The following IL17RD variants were observed in gnomAD, a reference collection of about 807,000 sequenced individuals.
IL17RD encodes the protein interleukin-17 receptor D.
A neutral mutation model predicts 80.5 loss-of-function variants in IL17RD; 52 were observed. The observed-to-expected ratio is 0.65, with a 90% CI of 0.52 to 0.81. The LOEUF (loss-of-function observed/expected upper bound fraction) is 0.81, where lower values mean the gene tolerates loss of function less well. Among genes scored for constraint, IL17RD ranks in the 40% least tolerant of loss-of-function variants. The probability of loss-of-function intolerance (pLI) is 0.00; values close to 1 mark genes in which losing one functional copy is unlikely to be tolerated. For synonymous variants in IL17RD, 416 were observed against 391.8 expected (o/e 1.06, Z -0.73); for missense variants, 1,024 against 955.1 (o/e 1.07, Z -0.95).
intron 2 of IL17RD, among the ~76,000 whole-genome samples, chr3:57,116,314 G>A (rs558123691): frequency 1.1e-4 from 14 of 129,296 alleles, no homozygotes; most frequent in South Asian, 2.3e-4. Flanking sequence ...ACAGAGTTTC[G>A]CTCTTGTTGC....
chr3:57,136,944 C>G (rs1559480752), intron 1 of IL17RD, among the ~76,000 whole-genome samples: 1 of 152,168 alleles, frequency 6.6e-6, no homozygotes, highest in Non-Finnish European at 1.5e-5. Flanking sequence ...TAAGTTATGC[C>G]ACTGAGCTCT....
chr3:57,097,898 C>T lies in IL17RD; in HGVS notation c.1805G>A (p.Cys602Tyr), dbSNP rs1381394317. 6.2e-7 allele frequency: 1 copy of T among 1,614,014 alleles called. No individual in the cohort carries two copies. Reference protein sequence around the residue: ...MCKPGPESDFCLKVEAAVLGA... With the variant: ...MCKPGPESDFYLKVEAAVLGA... The stretch of plus-strand genomic sequence containing the variant: ...AAGAACAGCCGCCTCTACCTTTAGG[C>T]AGAAGTCACTCTCAGGCCCTGGTTT... The change falls in exon 12 of 13, where the codon TGC (cysteine) becomes TAC (tyrosine). Residue 602 changes from cysteine to tyrosine, a missense_variant. Cys to Tyr is a radical substitution (Grantham distance 194, BLOSUM62 -2). Coordinates refer to ENST00000296318, the MANE Select transcript of IL17RD (RefSeq NM_017563.5).
intron 12 of IL17RD, among the ~76,000 whole-genome samples, chr3:57,097,004 C>CAA (rs200974175): frequency 1.6e-4 from 16 of 100,122 alleles, no homozygotes; most frequent in Non-Finnish European, 2.6e-4. Flanking sequence ...GACTCCATCT[C>CAA]AAAAAAAAAA....
chr3:57,097,507 G>C, intron 12 of IL17RD, 89 bp downstream of exon 12: 1 of 1,015,422 alleles, frequency 9.8e-7, no homozygotes, highest in Non-Finnish European at 1.5e-6. Flanking sequence ...CAATAAGTTG[G>C]CACCAAAAGT....
Position 57,109,549 on chromosome 3 carries a change from A to G in IL17RD, c.538T>C (p.Phe180Leu). Residue 180 changes from phenylalanine (F) to leucine (L), a missense_variant, in exon 5 of 13, where the codon TTT becomes CTT. Transcript: ENST00000296318. Reference sequence around the variant, plus strand: ...AGGCCATACTCACCTCGGGTTCTAAAGAAGAAAGGGTGGTAATTGCTTTCG... The same window carrying G: ...AGGCCATACTCACCTCGGGTTCTAAGGAAGAAAGGGTGGTAATTGCTTTCG... ...KNESNYHPFF[F>L]RTRACDLLLQ... 1 of 1,613,736 alleles carries G rather than the reference A, an allele frequency of 6.2e-7. No individual in the cohort carries two copies. The highest frequency in any genetic ancestry group is 8.5e-7 in the Non-Finnish European group (1 of 1,179,790).
chr3:57,096,748 G>A (rs1431664561), intron 12 of IL17RD, among the ~76,000 whole-genome samples: 9 of 152,142 alleles, frequency 5.9e-5, no homozygotes, highest in East Asian at 1.9e-4. Context: ...AGTGGCTCAC[G>A]CCTGTAATCC....
upstream of IL17RD, among the ~76,000 whole-genome samples, chr3:57,167,168 A>G (rs757301436): frequency 1.1e-4 from 17 of 152,058 alleles, no homozygotes; most frequent in Non-Finnish European, 2.4e-4. Context: ...AAACAACAGC[A>G]TCCACCTCAA....
chr3:57,121,666 T>C (rs1005154421), intron 1 of IL17RD, among the ~76,000 whole-genome samples: 1 of 152,140 alleles, frequency 6.6e-6, no homozygotes, highest in African/African-American at 2.4e-5. Flanking sequence ...CTAAAACACT[T>C]TGGAAAGTGT....
intron 3 of IL17RD, 105 bp downstream of exon 3, chr3:57,114,586 AC>A: frequency 9.8e-7 from 1 of 1,022,224 alleles, no homozygotes; most frequent in Non-Finnish European, 1.4e-6. Flanking sequence ...CATAAGCCTC[AC>A]TCACATCAAG....
At chr3:57,106,769 G>A (rs1174832277) in intron 5 of IL17RD, among the ~76,000 whole-genome samples, 1 of 152,168 alleles carries the variant, frequency 6.6e-6, no homozygotes, top group Non-Finnish European at 1.5e-5. Context: ...CTAGTCCACT[G>A]TGCCATGCTG....
intron 1 of IL17RD, chr3:57,142,498 G>T: frequency 7.8e-7 from 1 of 1,288,000 alleles, no homozygotes; most frequent in South Asian, 1.2e-5. Flanking sequence ...AGGCAGAAGC[G>T]CGTGGCATCC....
intron 1 of IL17RD, among the ~76,000 whole-genome samples, chr3:57,127,307 A>AATATATAAAAATATATATAAAT (rs1559477040): frequency 6.2e-5 from 5 of 80,120 alleles, no homozygotes; most frequent in African/African-American, 2.5e-4. Flanking sequence ...TATATATAAA[A>AATATATAAAAATATATATAAAT]ATATATAAAA....
Position 57,093,814 on chromosome 3 carries a change from T to C in IL17RD, c.*2579A>G, listed in dbSNP as rs1021085878. The C allele has an allele frequency of 2.0e-5, 3 of 152,242 alleles. No homozygotes were observed. Among genetic ancestry groups the C allele is most frequent in the African/African-American group, 7.2e-5 (3 of 41,454 alleles). 9.4% of individuals were successfully genotyped at this position (152,242 alleles called of 1,614,324 possible). A position where few individuals can be genotyped will look rare whatever the true frequency, so the allele number is the denominator to read the frequency against. ...GCTTTAACCTCCTTGATCACTCTCC[T>C]GGCAAAGCTGATGACATCAGATGCT... On this transcript the variant is annotated 3_prime_UTR_variant, in exon 13 of 13. Transcript: ENST00000296318.
Position 57,102,513 on chromosome 3 carries a change from C to T in IL17RD, c.945G>A (p.Thr315=), listed in dbSNP as rs780551864. The change falls in exon 10 of 13, where the codon ACG becomes ACA. Residue 315 remains threonine (T), a synonymous_variant. Coordinates refer to ENST00000296318, the MANE Select transcript of IL17RD (RefSeq NM_017563.5). ...TCTTGCGGCACATCACAGTGAAGAGCGTCGCGAATGCCGATATGACTACCA... is the reference window on the plus strand; with the variant it reads ...TCTTGCGGCACATCACAGTGAAGAGTGTCGCGAATGCCGATATGACTACCA... ...VPLVVISAFA[T]LFTVMCRKKQ... 3.8e-6 allele frequency: 6 copies of T among 1,578,038 alleles called. No individual in the cohort carries two copies. The East Asian group carries it at 6.8e-5, about 18-fold the overall frequency.
At chr3:57,149,943 C>G (rs1156516056) in intron 1 of IL17RD, among the ~76,000 whole-genome samples, 1 of 152,180 alleles carries the variant, frequency 6.6e-6, no homozygotes, top group East Asian at 1.9e-4. Flanking sequence ...TATGGGTCCA[C>G]AAGTTATATG....
chr3:57,127,187 TATATATATATAA>T (rs1360681001), intron 1 of IL17RD, among the ~76,000 whole-genome samples: 1,740 of 121,812 alleles, frequency 0.014, 232 homozygotes, highest in African/African-American at 0.057. Flanking sequence ...AACTCATATA[TATATATATATAA>T]ATATATATAA....
At chr3:57,125,457 T>C (rs762846360) in intron 1 of IL17RD, among the ~76,000 whole-genome samples, 2 of 152,124 alleles carry the variant, frequency 1.3e-5, no homozygotes, top group Admixed American at 6.5e-5. Flanking sequence ...AAGCATTGTG[T>C]GAGATGACAT....
Position 57,098,078 on chromosome 3 carries a change from A to G in IL17RD, c.1625T>C (p.Leu542Pro). The change falls in exon 12 of 13, where the codon CTA (leucine) becomes CCA (proline). Residue 542 changes from leucine to proline, a missense_variant. Leu to Pro is a moderately conservative substitution (Grantham distance 98). Coordinates refer to ENST00000296318, the MANE Select transcript of IL17RD (RefSeq NM_017563.5). The stretch of plus-strand genomic sequence containing the variant: ...GTGCATGTTGCAAATGGCGACGTAT[A>G]GGGACCGGCCTGACTTGCTCCGGAA... ...NYFRSKSGRS[L>P]YVAICNMHQF... 1 of 1,613,978 alleles carries G rather than the reference A, an allele frequency of 6.2e-7. No individual in the cohort carries two copies. The highest frequency in any genetic ancestry group is 1.3e-5 in the African/African-American group (1 of 75,036).
In IL17RD at chr3:57,091,013, G is replaced by C. The variant is rs186833316; in HGVS notation, c.*5380C>G. 1 of 152,546 alleles carries C rather than the reference G, an allele frequency of 6.6e-6. No individual in the cohort carries two copies. The highest frequency in any genetic ancestry group is 2.4e-5 in the African/African-American group (1 of 41,430). 9.4% of individuals were successfully genotyped at this position (152,546 alleles called of 1,614,324 possible). On this transcript the variant is annotated 3_prime_UTR_variant, in exon 13 of 13. Coordinates refer to ENST00000296318, the MANE Select transcript of IL17RD (RefSeq NM_017563.5). ...AAAAGGGCAAGAGGGAAGACAACTG[G>C]CCAAAATTCCCCAGACATCTTCACT...
Sources: allele counts gnomAD v4.1 joint callset (sites outside exome capture counted in the v4.1 genomes callset), GRCh38; gene constraint gnomAD v4.1.1; transcripts MANE v1.5; gene names NCBI Gene and HGNC (gene_info 2026-07-23, HGNC 2026-07-21).